The following HFM1 variants were observed in gnomAD, a reference collection of about 807,000 sequenced individuals.
HFM1 encodes the protein probable ATP-dependent DNA helicase HFM1.
Under a neutral mutation model 192.1 loss-of-function variants are expected in HFM1, and 169 were observed. The observed-to-expected ratio is 0.88, with a 90% confidence interval of 0.78 to 1.00. The LOEUF (loss-of-function observed/expected upper bound fraction) is 1.00. HFM1 is among the 50% of genes least tolerant of loss of function. HFM1 has a pLI of 0.00. For synonymous variants in HFM1, 525 were observed against 537.8 expected, an observed-to-expected ratio of 0.98 and a Z score of 0.33; for missense variants, 1,661 against 1,668.0, an observed-to-expected ratio of 1.00 and a Z score of 0.07.
chr1:91,291,177 C>T (rs561681384), intron 30 of HFM1, among the ~76,000 whole-genome samples: 30 of 152,180 alleles, frequency 2.0e-4, no homozygotes, highest in African/African-American at 5.8e-4. Flanking sequence ...CAAAAGCTAG[C>T]AGAAGTCAAG....
intron 4 of HFM1, among the ~76,000 whole-genome samples, chr1:91,387,975 A>G (rs1332538771): frequency 2.6e-5 from 4 of 151,972 alleles, no homozygotes; most frequent in Non-Finnish European, 4.4e-5. Flanking sequence ...AACAAAAAAA[A>G]GAAATAGAAC....
At chr1:91,271,007 A>G (rs1299007872) in intron 34 of HFM1, among the ~76,000 whole-genome samples, 1 of 152,114 alleles carries the variant, frequency 6.6e-6, no homozygotes, top group African/African-American at 2.4e-5. Context: ...CCCTTCTTTT[A>G]GTGGGAGTAC....
At chr1:91,364,362 C>T (rs116291889) in intron 13 of HFM1, among the ~76,000 whole-genome samples, 21 of 151,726 alleles carry the variant, frequency 1.4e-4, no homozygotes, top group African/African-American at 5.1e-4. Flanking sequence ...TTGGTACAGC[C>T]ATTATGGAAA....
chr1:91,290,559 G>A (rs1430669222), intron 30 of HFM1, among the ~76,000 whole-genome samples: 2 of 152,052 alleles, frequency 1.3e-5, no homozygotes, highest in Non-Finnish European at 2.9e-5. Flanking sequence ...AGCAAGTCCT[G>A]AGTGACCTAC....
chr1:91,324,882 A>G lies in HFM1; in HGVS notation c.2336-116T>C, dbSNP rs535513650. On this transcript the variant is annotated intron_variant, in intron 20 of 38. Coordinates refer to ENST00000370425, the MANE Select transcript of HFM1 (RefSeq NM_001017975.6). The stretch of plus-strand genomic sequence containing the variant: ...AAGCAAGATGGTAGAACAGAAGCCT[A>G]GACCATTGGTCCTCACTGCAGGAAC... 23 of 685,966 alleles carry G rather than the reference A, an allele frequency of 3.4e-5. No homozygotes were observed. In the African/African-American group the frequency reaches 4.2e-4, roughly 12 times the overall value. The allele number at this position is 685,966 out of a possible 1,614,324, so 42.5% of individuals were successfully genotyped here.
At chr1:91,277,818 T>C (rs1165701306) in intron 30 of HFM1, among the ~76,000 whole-genome samples, 2 of 125,990 alleles carry the variant, frequency 1.6e-5, no homozygotes, top group East Asian at 4.1e-4. Context: ...ATATATAATA[T>C]ATATACTTTA....
intron 30 of HFM1, among the ~76,000 whole-genome samples, chr1:91,286,580 T>C (rs1667994744): frequency 6.6e-6 from 1 of 152,244 alleles, no homozygotes; most frequent in Non-Finnish European, 1.5e-5. Flanking sequence ...TGCAGTCATA[T>C]TGGATTAGGG....
At chr1:91,296,294 G>A (rs1647557228) in intron 30 of HFM1, among the ~76,000 whole-genome samples, 1 of 152,136 alleles carries the variant, frequency 6.6e-6, no homozygotes. Flanking sequence ...TTTTCCAACT[G>A]CATGGCACTT....
At chr1:91,336,178 A>T (rs945197684) in intron 20 of HFM1, among the ~76,000 whole-genome samples, 4 of 143,490 alleles carry the variant, frequency 2.8e-5, no homozygotes, top group African/African-American at 1.1e-4. Context: ...GCAAGCTAAG[A>T]TCCCTGCCTC....
chr1:91,315,989 G>A lies in HFM1; in HGVS notation c.2983-17C>T, dbSNP rs993523262. 4 of 1,558,894 alleles carry A rather than the reference G, an allele frequency of 2.6e-6. No individual in the cohort carries two copies. Among genetic ancestry groups the A allele is most frequent in the Non-Finnish European group, 1.8e-6 (2 of 1,135,472 alleles). On this transcript the variant is annotated splice_polypyrimidine_tract_variant and intron_variant, in intron 27 of 38. Coordinates refer to ENST00000370425, the MANE Select transcript of HFM1 (RefSeq NM_001017975.6). The stretch of plus-strand genomic sequence containing the variant: ...TCTTGTAATCTTTAAAAAAGGACAA[G>A]TATAAAAAGTGTTAAAAATAACCTT...
At chr1:91,290,414 A>C (rs1358259168) in intron 30 of HFM1, among the ~76,000 whole-genome samples, 1 of 152,222 alleles carries the variant, frequency 6.6e-6, no homozygotes, top group Non-Finnish European at 1.5e-5. Context: ...GTCTCTGATA[A>C]AACAGACTTT....
At chr1:91,330,534 G>T (rs1653669716) in intron 20 of HFM1, among the ~76,000 whole-genome samples, 1 of 152,128 alleles carries the variant, frequency 6.6e-6, no homozygotes, top group South Asian at 2.1e-4. Flanking sequence ...AGAGAAGCCT[G>T]GGACCCAATG....
chr1:91,285,104 C>A lies in HFM1; in HGVS notation c.3392-8042G>T, dbSNP rs1297290112. On this transcript the variant is annotated intron_variant, in intron 30 of 38. Coordinates refer to ENST00000370425, the MANE Select transcript of HFM1 (RefSeq NM_001017975.6). ...CTTGTCTGCCACCATGTAAGACGTG[C>A]CTTTCACTTTCTGCCATGATTGTGA... is the stretch of plus-strand genomic sequence containing the variant. Among the ~76,000 whole-genome samples the A allele has an allele frequency of 2.0e-5, 3 of 152,244 alleles. No individual in the cohort carries two copies. The South Asian group carries it at 6.2e-4, about 32-fold the overall frequency.
rs185135013 is a variant in HFM1, at chr1:91,279,156, A to G, written c.3392-2094T>C. ...TATAATAAGATTCTGAAATCCTATA[A>G]TAAGATTCTGAAATCCTATAAGAAA... On this transcript the variant is annotated intron_variant, in intron 30 of 38. Coordinates refer to ENST00000370425, the MANE Select transcript of HFM1 (RefSeq NM_001017975.6). 3.9e-5 allele frequency among the ~76,000 whole-genome samples: 6 copies of G among 152,322 alleles called. No homozygotes were observed. The East Asian group carries it at 1.2e-3, about 29-fold the overall frequency.
In HFM1 at chr1:91,385,850, A is replaced by T. The variant is rs772956738; in HGVS notation, c.495-16T>A. On this transcript the variant is annotated splice_polypyrimidine_tract_variant and intron_variant, in intron 4 of 38. Transcript: ENST00000370425. ...TTTAAATAATCTGCAAACAAAAAAA[A>T]GACCCACATATTTTCTCACGTGTAA... 2.2e-5 allele frequency: 34 copies of T among 1,579,824 alleles called. No homozygotes were observed. In the Admixed American group the frequency reaches 6.1e-4, roughly 28 times the overall value.
At chr1:91,271,222 A>G (rs979563532) in intron 34 of HFM1, among the ~76,000 whole-genome samples, 3 of 152,096 alleles carry the variant, frequency 2.0e-5, no homozygotes, top group African/African-American at 4.8e-5. Context: ...AGGGAAGTCT[A>G]CCTTTTTCCA....
chr1:91,353,310 A>G lies in HFM1; in HGVS notation c.1686-11T>C, dbSNP rs774909669. On this transcript the variant is annotated splice_polypyrimidine_tract_variant and intron_variant, in intron 13 of 38. Transcript: ENST00000370425. ...GCATACTTCTGTAACCTATTTAAAA[A>G]TACCATAAAATTATTGAGTTACTCC... The G allele has an allele frequency of 7.5e-6, 11 of 1,468,520 alleles. No individual in the cohort carries two copies. The highest frequency in any genetic ancestry group is 1.0e-5 in the Non-Finnish European group (11 of 1,061,940). The allele number at this position is 1,468,520 out of a possible 1,614,324, so 91.0% of individuals were successfully genotyped here. A position where few individuals can be genotyped will look rare whatever the true frequency, so the allele number is the denominator to read the frequency against.
At position 91,367,870 on chromosome 1, in the gene HFM1, T is replaced by C. The variant is rs1461283277; in HGVS notation, c.1685+7488A>G. ...AAACCTTGAAAAAAAATTAGACGAA[T>C]GGCTAACTAGAATAACCAACGCAGA... On this transcript the variant is annotated intron_variant, in intron 13 of 38. Transcript: ENST00000370425. 7.9e-5 allele frequency among the ~76,000 whole-genome samples: 12 copies of C among 151,960 alleles called. 1 individual carries two copies. The highest frequency in any genetic ancestry group is 4.4e-5 in the Non-Finnish European group (3 of 67,998).
In HFM1 at chr1:91,350,849, G is replaced by A. The variant is rs1656837017; in HGVS notation, c.2095C>T (p.His699Tyr). The change falls in exon 18 of 39, where the codon CAT becomes TAT. Residue 699 changes from histidine to tyrosine, a missense_variant. By Grantham distance (83) the His-to-Tyr change is moderately conservative. Transcript: ENST00000370425. ...ESSLHRHLIE[H>Y]LNAEIVLHTI... ...TGCAGTACTATCTCTGCATTTAAAT[G>A]TTCAATAAGATGTCTGTGCAAACTA... 2.5e-6 allele frequency: 4 copies of A among 1,585,740 alleles called. No homozygotes were observed. Among genetic ancestry groups the A allele is most frequent in the Non-Finnish European group, 3.4e-6 (4 of 1,160,224 alleles).
Sources: allele counts gnomAD v4.1 joint callset (sites outside exome capture counted in the v4.1 genomes callset), GRCh38; gene constraint gnomAD v4.1.1; transcripts MANE v1.5; gene names NCBI Gene and HGNC (gene_info 2026-07-23, HGNC 2026-07-21).